FRMD4A: variants seen among roughly 807,000 people sequenced by gnomAD.
FRMD4A encodes FERM domain-containing protein 4A.
FRMD4A carries 29 observed loss-of-function variants against 129.1 expected under a neutral mutation model. The ratio of observed to expected loss-of-function variants is 0.22; its 90% CI spans 0.17 to 0.31. The LOEUF is 0.31. Among genes scored for constraint, FRMD4A ranks in the 10% least tolerant of loss-of-function variants. The pLI, the probability that FRMD4A is intolerant of heterozygous loss-of-function variation, is 1.00. For missense variants in FRMD4A, 1,272 were observed against 1,375.8 expected (o/e 0.92, Z 1.19); for synonymous variants, 634 against 571.6 (o/e 1.11, Z -1.56).
intron 12 of FRMD4A, among the ~76,000 whole-genome samples, chr10:13,730,789 G>A (rs1043086695): frequency 2.7e-5 from 4 of 146,724 alleles, no homozygotes; most frequent in African/African-American, 1.0e-4. Flanking sequence ...TGAGGTGGGT[G>A]GATCTTTTGA....
At chr10:13,931,993 ACC>A (rs1448878535) in intron 2 of FRMD4A, among the ~76,000 whole-genome samples, 4 of 151,730 alleles carry the variant, frequency 2.6e-5, no homozygotes, top group Admixed American at 2.0e-4. Context: ...CAACCAACCA[ACC>A]CCCTTCTACA....
intron 3 of FRMD4A, among the ~76,000 whole-genome samples, chr10:13,836,283 C>A (rs907133545): frequency 3.9e-5 from 6 of 152,184 alleles, no homozygotes; most frequent in Admixed American, 6.5e-5. Context: ...CAGGTGTGAG[C>A]CAAAGCACCG....
At chr10:13,763,589 C>A (rs896802256) in intron 6 of FRMD4A, among the ~76,000 whole-genome samples, 1 of 152,162 alleles carries the variant, frequency 6.6e-6, no homozygotes, top group Non-Finnish European at 1.5e-5. Flanking sequence ...GTTCTTCCCC[C>A]AAATACTTAA....
At chr10:13,969,354 G>A (rs1257707346) in intron 2 of FRMD4A, among the ~76,000 whole-genome samples, 33 of 152,250 alleles carry the variant, frequency 2.2e-4, no homozygotes, top group Admixed American at 1.9e-3. Context: ...AGCCCCAAAC[G>A]CCTATGATGG....
Position 13,645,229 on chromosome 10 carries a change from TTTTC to T in FRMD4A, c.*1805_*1808del, listed in dbSNP as rs1211055333. ...TTCCACATACATGAAAAGCGAAGAT[TTTTC>T]TTTGTTTTTATGCTTAAGCTAACTT... On this transcript the variant is annotated 3_prime_UTR_variant, in exon 25 of 25. Transcript: ENST00000357447. The T allele has an allele frequency of 1.3e-5, 2 of 152,108 alleles. No individual in the cohort carries two copies. Among genetic ancestry groups the T allele is most frequent in the Non-Finnish European group, 2.9e-5 (2 of 68,022 alleles). The allele number at this position is 152,108 out of a possible 1,614,324, so 9.4% of individuals were successfully genotyped here.
At chr10:13,878,822 G>GGGAGGGAGGGAAGGAAGGAAGGAAGGAA (rs1554953625) in intron 2 of FRMD4A, among the ~76,000 whole-genome samples, 5 of 140,774 alleles carry the variant, frequency 3.6e-5, no homozygotes, top group African/African-American at 1.4e-4. Context: ...GAGGGAGGGA[G>GGGAGGGAGGGAAGGAAGGAAGGAAGGAA]GGAAGGAAGG....
At chr10:13,738,032 T>C in intron 11 of FRMD4A, 102 bp from the exon 12 acceptor site, 1 of 710,090 alleles carries the variant, frequency 1.4e-6, no homozygotes, top group African/African-American at 1.8e-5. Flanking sequence ...GAAAGGGCCA[T>C]TTCCTTGGAA....
In FRMD4A at chr10:13,962,322, G is replaced by C. The variant is rs181534324; in HGVS notation, c.46-103410C>G. The stretch of plus-strand genomic sequence containing the variant: ...TACCATTATTTATAAAAATGAAGAT[G>C]ACAGTACTTGCCCCCCAGGGGTATT... On this transcript the variant is annotated intron_variant, in intron 2 of 24. Coordinates refer to ENST00000357447, the MANE Select transcript of FRMD4A (RefSeq NM_018027.5). Among the ~76,000 whole-genome samples the C allele has an allele frequency of 1.6e-3, 237 of 152,276 alleles. 1 individual carries two copies. Among genetic ancestry groups the C allele is most frequent in the African/African-American group, 5.5e-3 (229 of 41,558 alleles).
intron 2 of FRMD4A, among the ~76,000 whole-genome samples, chr10:13,983,726 G>A (rs7922974): frequency 6.6e-6 from 1 of 151,930 alleles, no homozygotes; most frequent in African/African-American, 2.4e-5. Context: ...GGGGCCGGGC[G>A]CGGTGGCTCA....
chr10:14,049,057 G>C (rs1289410784), intron 2 of FRMD4A, among the ~76,000 whole-genome samples: 1 of 152,134 alleles, frequency 6.6e-6, no homozygotes, highest in Non-Finnish European at 1.5e-5. Context: ...CAGAGGCTTG[G>C]AGAATCATGT....
intron 2 of FRMD4A, among the ~76,000 whole-genome samples, chr10:14,276,457 C>G (rs1234104909): frequency 6.6e-6 from 1 of 152,236 alleles, no homozygotes; most frequent in African/African-American, 2.4e-5. Flanking sequence ...CTCAGGGAAC[C>G]TATTCAGTGG....
chr10:13,937,528 G>C (rs764386397), intron 2 of FRMD4A, among the ~76,000 whole-genome samples: 1 of 152,104 alleles, frequency 6.6e-6, no homozygotes, highest in Non-Finnish European at 1.5e-5. Flanking sequence ...TTTAGGTTTA[G>C]ACCCGCCTCA....
chr10:13,716,150 C>T (rs1247505252), intron 12 of FRMD4A, among the ~76,000 whole-genome samples: 1 of 152,006 alleles, frequency 6.6e-6, no homozygotes, highest in African/African-American at 2.4e-5. Context: ...CCCAGGGTCC[C>T]CATTCATTCG....
intron 2 of FRMD4A, among the ~76,000 whole-genome samples, chr10:14,249,717 A>T (rs1364915782): frequency 6.6e-6 from 1 of 152,256 alleles, no homozygotes; most frequent in Non-Finnish European, 1.5e-5. Flanking sequence ...AAGGGAAAAA[A>T]CTTGGAAACA....
intron 2 of FRMD4A, among the ~76,000 whole-genome samples, chr10:14,185,559 A>C (rs142821828): frequency 2.6e-5 from 4 of 152,184 alleles, no homozygotes; most frequent in Non-Finnish European, 4.4e-5. Flanking sequence ...AAGCAAGACT[A>C]TTTAAAGGTT....
At chr10:13,775,958 G>A (rs1020302756) in intron 6 of FRMD4A, among the ~76,000 whole-genome samples, 7 of 152,174 alleles carry the variant, frequency 4.6e-5, no homozygotes, top group East Asian at 1.9e-4. Flanking sequence ...TCTAAAAAAC[G>A]AGCTGCAACC....
At chr10:14,163,661 G>C (rs913126611) in intron 2 of FRMD4A, among the ~76,000 whole-genome samples, 1 of 152,182 alleles carries the variant, frequency 6.6e-6, no homozygotes, top group Non-Finnish European at 1.5e-5. Flanking sequence ...TGAGATTCCA[G>C]AACGGCCAGG....
chr10:14,014,060 G>A (rs2095690412), intron 2 of FRMD4A, among the ~76,000 whole-genome samples: 1 of 152,088 alleles, frequency 6.6e-6, no homozygotes, highest in Admixed American at 6.5e-5. Flanking sequence ...ACAGCGCAGT[G>A]AGTATCGGGG....
chr10:13,679,474 T>TATATATACACACACACACACACACAC (rs1308155926), intron 15 of FRMD4A, among the ~76,000 whole-genome samples: 19 of 31,480 alleles, frequency 6.0e-4, no homozygotes, highest in Non-Finnish European at 9.9e-4. Context: ...TATATATATA[T>TATATATACACACACACACACACACAC]ACACACACAC....
Sources: gnomAD v4.1 joint callset for allele counts (sites outside exome capture counted in the v4.1 genomes callset) on GRCh38, gnomAD v4.1.1 for gene constraint, MANE v1.5 for transcripts, NCBI Gene and HGNC (gene_info 2026-07-23, HGNC 2026-07-21) for gene names.